WAC: variants seen among roughly 807,000 people sequenced by gnomAD.
WAC encodes the protein WW domain-containing adapter protein with coiled-coil.
In WAC, 11 loss-of-function variants were observed where a neutral mutation model predicts 79.6. The ratio of observed to expected loss-of-function variants is 0.14; its 90% CI spans 0.09 to 0.23. The LOEUF (loss-of-function observed/expected upper bound fraction) is 0.23. Among genes scored for constraint, WAC ranks in the 10% least tolerant of loss-of-function variants. The probability of loss-of-function intolerance (pLI) is 1.00; values close to 1 mark genes in which losing one functional copy is unlikely to be tolerated. For synonymous variants in WAC, 304 were observed against 276.9 expected, an observed-to-expected ratio of 1.10 and a Z score of -0.97; for missense variants, 728 against 773.5, an observed-to-expected ratio of 0.94 and a Z score of 0.70.
rs553455211 is a variant in WAC at position 28,555,334 on chromosome 10, A to T, written c.274+19577A>T. On this transcript the variant is annotated intron_variant, in intron 3 of 13. Coordinates refer to ENST00000354911, the MANE Select transcript of WAC (RefSeq NM_016628.5). ...TTATGCTCTTCACTTAGGTTTACTCAGTCACATGAACATTGTAGTTCCTTG... is the reference window on the plus strand; with the variant it reads ...TTATGCTCTTCACTTAGGTTTACTCTGTCACATGAACATTGTAGTTCCTTG... 3.5e-4 allele frequency among the ~76,000 whole-genome samples: 53 copies of T among 152,338 alleles called. No homozygotes were observed. In the East Asian group the frequency reaches 6.7e-3, roughly 19 times the overall value.
chr10:28,571,195 G>A (rs151047692), intron 3 of WAC, among the ~76,000 whole-genome samples: 3,654 of 152,030 alleles, frequency 0.024, 60 homozygotes, highest in Non-Finnish European at 0.035. Flanking sequence ...CTCCCAGAGT[G>A]CTGGAATTAC....
rs76187430 is a variant in WAC at position 28,570,105 on chromosome 10, G to C, written c.275-13294G>C. Among the ~76,000 whole-genome samples, 1,018 of 152,236 alleles carry C rather than the reference G, an allele frequency of 6.7e-3. 12 individuals are homozygous for C. The highest frequency in any genetic ancestry group is 0.024 in the African/African-American group (979 of 41,546). Reference sequence around the variant, plus strand: ...GTATTGAAATTGCCTTATCTGTAAGGGAGAATTTACTTAAAGTTTTCCTTG... The same window carrying C: ...GTATTGAAATTGCCTTATCTGTAAGCGAGAATTTACTTAAAGTTTTCCTTG... On this transcript the variant is annotated intron_variant, in intron 3 of 13. Transcript: ENST00000354911.
chr10:28,542,621 G>C (rs1837118885), intron 3 of WAC, among the ~76,000 whole-genome samples: 1 of 152,162 alleles, frequency 6.6e-6, no homozygotes, highest in African/African-American at 2.4e-5. Flanking sequence ...GTAAAGTGAT[G>C]GATGGAAGAT....
At chr10:28,586,826 C>T (rs939338379) in intron 4 of WAC, among the ~76,000 whole-genome samples, 10 of 152,184 alleles carry the variant, frequency 6.6e-5, no homozygotes, top group African/African-American at 1.9e-4. Flanking sequence ...TTTAAAGACA[C>T]TGTAATTGAG....
chr10:28,565,784 G>T (rs1200882697), intron 3 of WAC, among the ~76,000 whole-genome samples: 2 of 152,086 alleles, frequency 1.3e-5, no homozygotes, highest in South Asian at 2.1e-4. Flanking sequence ...TGTACAACCT[G>T]CACTTTAATT....
chr10:28,546,863 TTG>T (rs1482681770), intron 3 of WAC, among the ~76,000 whole-genome samples: 7 of 145,798 alleles, frequency 4.8e-5, no homozygotes, highest in Non-Finnish European at 1.1e-4. Context: ...CAGTTTTGAT[TTG>T]TCTTTTTTTT....
intron 7 of WAC, 56 bp downstream of exon 7, chr10:28,596,097 A>T (rs1334131483): frequency 6.6e-7 from 1 of 1,511,800 alleles, no homozygotes; most frequent in African/African-American, 1.4e-5. Context: ...AGTTTCTTCT[A>T]AGTTTCTTAT....
upstream of WAC, chr10:28,532,964 A>G (rs546005586): frequency 3.5e-4 from 53 of 153,392 alleles, no homozygotes; most frequent in East Asian, 6.6e-3. Flanking sequence ...TCGCGAAGAG[A>G]AGATCCAGGC....
In WAC at chr10:28,619,541, C is replaced by G. The variant is rs375467708; in HGVS notation, c.1879C>G (p.Leu627Val). ...ATGTCTGCTTTTTTTTTTCAGGATA[C>G]TATTTTTGAGACAACAAATTAAGGA... Reference protein sequence around the residue: ...IQATLREQRILFLRQQIKELE... With the variant: ...IQATLREQRIVFLRQQIKELE... The change falls in exon 14 of 14, where the codon CTA becomes GTA. Residue 627 changes from leucine to valine, a missense_variant. Around this residue, in one of 3 missense-constraint regions of WAC, gnomAD observed 66 missense variants for 78.9 expected, o/e 0.84. Transcript: ENST00000354911. The G allele has an allele frequency of 6.4e-7, 1 of 1,570,494 alleles. No individual in the cohort carries two copies. Among genetic ancestry groups the G allele is most frequent in the Non-Finnish European group, 8.6e-7 (1 of 1,165,498 alleles).
chr10:28,563,631 G>A (rs1564388160), intron 3 of WAC, among the ~76,000 whole-genome samples: 1 of 151,834 alleles, frequency 6.6e-6, no homozygotes, highest in Non-Finnish European at 1.5e-5. Context: ...CCAGGCTGGA[G>A]TGCAGTGGCG....
intron 10 of WAC, among the ~76,000 whole-genome samples, chr10:28,614,296 G>A (rs533168024): frequency 2.0e-5 from 3 of 148,166 alleles, no homozygotes; most frequent in South Asian, 2.1e-4. Context: ...TAGTAGAGAC[G>A]GGGTTTCACC....
At position 28,622,206 on chromosome 10, in the gene WAC, A is replaced by G. The variant is rs1290286338; in HGVS notation, c.*2600A>G. On this transcript the variant is annotated 3_prime_UTR_variant, in exon 14 of 14. Transcript: ENST00000354911. ...GTGAATTTTTAAACACAGAAAATCT[A>G]AAATTTTGTGGAAATATTTTAAATA... The G allele has an allele frequency of 1.3e-5, 2 of 152,262 alleles. No homozygotes were observed. Among genetic ancestry groups the G allele is most frequent in the Non-Finnish European group, 2.9e-5 (2 of 68,008 alleles). 9.4% of individuals were successfully genotyped at this position (152,262 alleles called of 1,614,324 possible). A position where few individuals can be genotyped will look rare whatever the true frequency, so the allele number is the denominator to read the frequency against.
At chr10:28,558,639 C>T (rs1348666900) in intron 3 of WAC, among the ~76,000 whole-genome samples, 1 of 152,010 alleles carries the variant, frequency 6.6e-6, no homozygotes, top group Non-Finnish European at 1.5e-5. Context: ...TATGTTGTTC[C>T]TCATTGCCTT....
chr10:28,587,821 A>G (rs1201051580), intron 4 of WAC, among the ~76,000 whole-genome samples: 1 of 152,122 alleles, frequency 6.6e-6, no homozygotes, highest in Non-Finnish European at 1.5e-5. Context: ...TGATAGGCAA[A>G]ATCAATGTAG....
In WAC at chr10:28,583,471, A is replaced by G; in HGVS notation, c.347A>G (p.Asn116Ser). The change falls in exon 4 of 14, where the codon AAT (asparagine) becomes AGT (serine). Residue 116 changes from asparagine to serine, a missense_variant. Asn to Ser is a conservative substitution (Grantham distance 46). Coordinates refer to ENST00000354911, the MANE Select transcript of WAC (RefSeq NM_016628.5). ...CATAGTTCAAATTCACATTCTTCTA[A>G]TCCAAGCAATAACCCAAGCAAAACT... Reference protein sequence around the residue: ...ALHSSNSHSSNPSNNPSKTSD... With the variant: ...ALHSSNSHSSSPSNNPSKTSD... 6.3e-7 allele frequency: 1 copy of G among 1,594,534 alleles called. No individual in the cohort carries two copies. Among genetic ancestry groups the G allele is most frequent in the Non-Finnish European group, 8.5e-7 (1 of 1,171,818 alleles).
intron 4 of WAC, among the ~76,000 whole-genome samples, chr10:28,587,573 C>A (rs1839885201): frequency 6.6e-6 from 1 of 152,202 alleles, no homozygotes; most frequent in Admixed American, 6.5e-5. Flanking sequence ...TAAATGTTTG[C>A]AGGCCTTTCG....
At chr10:28,603,967 ATATATATATATATATATATATG>A (rs1168788614) in intron 7 of WAC, among the ~76,000 whole-genome samples, 1,834 of 40,102 alleles carry the variant, frequency 0.046, 147 homozygotes, top group African/African-American at 0.12. Flanking sequence ...GTATGTATAT[ATATATATATATATATATATATG>A]TATATATATA....
chr10:28,610,977 A>T, intron 9 of WAC, 156 bp downstream of exon 9: 1 of 756,408 alleles, frequency 1.3e-6, no homozygotes, highest in Non-Finnish European at 2.0e-6. Context: ...ACACTGGCAT[A>T]TACAGTAGTA....
intron 3 of WAC, among the ~76,000 whole-genome samples, chr10:28,536,680 C>T (rs1836697355): frequency 6.6e-6 from 1 of 152,156 alleles, no homozygotes; most frequent in Non-Finnish European, 1.5e-5. Flanking sequence ...TATAAGTTTG[C>T]CTCAAGCTCT....
Sources: gnomAD v4.1 joint callset for allele counts (sites outside exome capture counted in the v4.1 genomes callset) on GRCh38, gnomAD v4.1.1 for gene constraint, gnomAD v4.1.1 regional missense constraint, MANE v1.5 for transcripts, NCBI Gene and HGNC (gene_info 2026-07-23, HGNC 2026-07-21) for gene names.